The following WASHC4 variants were observed in gnomAD, a reference collection of about 807,000 sequenced individuals.
WASHC4 encodes WASH complex subunit 4, also known as WASH complex subunit 7.
In WASHC4, 86 loss-of-function variants were observed where a neutral mutation model predicts 166.6. That is an observed-to-expected ratio of 0.52 (90% CI 0.43 to 0.62). WASHC4 has a LOEUF of 0.62. Ranked by LOEUF, WASHC4 falls within the 20% of genes least tolerant of loss-of-function variation. The pLI, the probability that WASHC4 is intolerant of heterozygous loss-of-function variation, is 0.00. For missense variants in WASHC4, 1,262 were observed against 1,382.4 expected, an observed-to-expected ratio of 0.91 and a Z score of 1.38; for synonymous variants, 446 against 451.6, an observed-to-expected ratio of 0.99 and a Z score of 0.16.
At chr12:105,143,559 G>A (rs757450533) in intron 20 of WASHC4, among the ~76,000 whole-genome samples, 1 of 151,970 alleles carries the variant, frequency 6.6e-6, no homozygotes, top group Non-Finnish European at 1.5e-5. Flanking sequence ...TCCAGTTAAA[G>A]CAACTTAACC....
intron 10 of WASHC4, among the ~76,000 whole-genome samples, chr12:105,125,651 T>C (rs1881213819): frequency 6.6e-6 from 1 of 152,146 alleles, no homozygotes; most frequent in Non-Finnish European, 1.5e-5. Flanking sequence ...AGGAAAGTAA[T>C]TGTAAGCAGA....
chr12:105,114,496 G>A, intron 4 of WASHC4, 69 bp downstream of exon 4: 2 of 963,468 alleles, frequency 2.1e-6, no homozygotes, highest in South Asian at 1.4e-5. Context: ...GTTTATATAT[G>A]TACAGTGTGC....
intron 14 of WASHC4, 50 bp from the exon 15 acceptor site, chr12:105,137,836 T>G: frequency 6.6e-7 from 1 of 1,511,764 alleles, no homozygotes; most frequent in East Asian, 2.3e-5. Flanking sequence ...GATAATGAAA[T>G]CTTGAAGAAA....
chr12:105,147,701 T>C, intron 24 of WASHC4: 1 of 495,160 alleles, frequency 2.0e-6, no homozygotes, highest in Non-Finnish European at 2.6e-6. Context: ...AGGTTGGGAG[T>C]TCAAGACCAG....
intron 7 of WASHC4, among the ~76,000 whole-genome samples, chr12:105,119,424 C>T (rs1880508623): frequency 6.6e-6 from 1 of 152,136 alleles, no homozygotes; most frequent in African/African-American, 2.4e-5. Flanking sequence ...TAACTGATAC[C>T]TGGAAGAGAT....
At chr12:105,134,744 A>C (rs1882159106) in intron 14 of WASHC4, among the ~76,000 whole-genome samples, 1 of 151,702 alleles carries the variant, frequency 6.6e-6, no homozygotes, top group Non-Finnish European at 1.5e-5. Context: ...TTCCGTAAGT[A>C]ACGTATATTT....
intron 28 of WASHC4, among the ~76,000 whole-genome samples, chr12:105,159,117 G>GT (rs1324408143): frequency 1.3e-5 from 2 of 152,310 alleles, no homozygotes; most frequent in South Asian, 2.1e-4. Flanking sequence ...GGTTTAAATA[G>GT]TTTCTGATGT....
intron 29 of WASHC4, 28 bp downstream of exon 29, chr12:105,160,176 T>A (rs2135839180): frequency 6.6e-7 from 1 of 1,510,966 alleles, no homozygotes; most frequent in South Asian, 1.1e-5. Context: ...CTAAAATGAA[T>A]TTTTTTTTTA....
At chr12:105,128,035 A>G (rs1170855387) in intron 13 of WASHC4, among the ~76,000 whole-genome samples, 6 of 152,202 alleles carry the variant, frequency 3.9e-5, no homozygotes, top group African/African-American at 1.4e-4. Flanking sequence ...GTGAAATGAC[A>G]CAGGACTCTG....
chr12:105,132,774 G>A (rs1881961372), intron 13 of WASHC4, among the ~76,000 whole-genome samples: 1 of 137,132 alleles, frequency 7.3e-6, no homozygotes, highest in Non-Finnish European at 1.5e-5. Context: ...TTAATGTGAG[G>A]GGTGAAAGAG....
Position 105,144,812 on chromosome 12 carries a change from T to C in WASHC4, c.2274T>C (p.Ala758=). The C allele has an allele frequency of 6.2e-7, 1 of 1,613,362 alleles. No homozygotes were observed. The highest frequency in any genetic ancestry group is 8.5e-7 in the Non-Finnish European group (1 of 1,179,472). The change falls in exon 22 of 33, where the codon GCT becomes GCC. Residue 758 remains alanine, a synonymous_variant. Transcript: ENST00000332180. ...WATYSEMRNL[A]TQRYGLVMTE... ...CTTATAGTGAGATGAGAAACTTAGC[T>C]ACTCAGCGTTATGGACTGGTTATGA...
chr12:105,113,402 C>T (rs1879876647), intron 2 of WASHC4, among the ~76,000 whole-genome samples: 1 of 151,940 alleles, frequency 6.6e-6, no homozygotes, highest in African/African-American at 2.4e-5. Context: ...TTTTTATCTT[C>T]CCCTACAGAA....
intron 1 of WASHC4, among the ~76,000 whole-genome samples, 175 bp downstream of exon 1, chr12:105,108,036 G>C (rs1169984287): frequency 6.6e-6 from 1 of 152,176 alleles, no homozygotes; most frequent in Non-Finnish European, 1.5e-5. Flanking sequence ...CGGGGTTGGG[G>C]TCCCAGCCAC....
intron 24 of WASHC4, chr12:105,147,953 A>G (rs1566021575): frequency 2.0e-6 from 2 of 985,286 alleles, no homozygotes; most frequent in Non-Finnish European, 1.2e-6. Context: ...ACTTGAAGGA[A>G]TTATTTGAAC....
At chr12:105,156,290 A>G (rs1261332991) in intron 26 of WASHC4, among the ~76,000 whole-genome samples, 3 of 152,180 alleles carry the variant, frequency 2.0e-5, no homozygotes, top group Non-Finnish European at 4.4e-5. Flanking sequence ...GGATAAAAAA[A>G]CCTAGAGTTC....
At chr12:105,127,087 C>T (rs1156262351) in intron 12 of WASHC4, 42 bp from the exon 13 acceptor site, 1 of 1,552,758 alleles carries the variant, frequency 6.4e-7, no homozygotes, top group East Asian at 2.2e-5. Context: ...GTTGTTTAGC[C>T]TGCATTTAAT....
intron 1 of WASHC4, among the ~76,000 whole-genome samples, chr12:105,110,799 CAT>C (rs1382950378): frequency 1.3e-5 from 2 of 152,062 alleles, no homozygotes; most frequent in African/African-American, 4.8e-5. Flanking sequence ...AGAATCAGGA[CAT>C]TGAATTGTTT....
At chr12:105,141,342 A>G in intron 18 of WASHC4, 96 bp downstream of exon 18, 1 of 920,192 alleles carries the variant, frequency 1.1e-6, no homozygotes, top group South Asian at 1.3e-5. Flanking sequence ...AATAAAATTC[A>G]GATCGAGCAT....
At position 105,147,081 on chromosome 12, in the gene WASHC4, A is replaced by G. The variant is rs769652909; in HGVS notation, c.2449A>G (p.Thr817Ala). The G allele has an allele frequency of 1.2e-6, 2 of 1,611,086 alleles. No individual in the cohort carries two copies. Among genetic ancestry groups the G allele is most frequent in the South Asian group, 2.2e-5 (2 of 91,038 alleles). Residue 817 changes from threonine to alanine, a missense_variant, in exon 24 of 33, where the codon ACT becomes GCT. Transcript: ENST00000332180. The part of the protein sequence containing the change: ...ERTSNNKHLN[T>A]INIRHIANSI... The stretch of plus-strand genomic sequence containing the variant: ...AACAAGCAATAACAAGCATTTGAAT[A>G]CTATTAATATTCGGCATATTGCTAA...
Sources: allele counts gnomAD v4.1 joint callset (sites outside exome capture counted in the v4.1 genomes callset), GRCh38; gene constraint gnomAD v4.1.1; transcripts MANE v1.5; gene names NCBI Gene and HGNC (gene_info 2026-07-23, HGNC 2026-07-21).